Variants in DNAJC11 observed in about 807,000 individuals in gnomAD.
The protein encoded by DNAJC11 is dnaJ homolog subfamily C member 11.
DNAJC11 carries 15 observed loss-of-function variants against 78.6 expected under a neutral mutation model. The ratio of observed to expected loss-of-function variants is 0.19; its 90% confidence interval spans 0.13 to 0.29. The LOEUF (loss-of-function observed/expected upper bound fraction) is 0.29, where lower values mean the gene tolerates loss of function less well. Ranked by LOEUF, DNAJC11 falls within the 10% of genes least tolerant of loss-of-function variation. The probability of loss-of-function intolerance (pLI) is 1.00; values close to 1 mark genes in which losing one functional copy is unlikely to be tolerated. For missense variants in DNAJC11, 547 were observed against 709.6 expected (o/e 0.77, Z 2.60); for synonymous variants, 292 against 272.1 (o/e 1.07, Z -0.72).
chr1:6,651,249 C>T, intron 7 of DNAJC11: 1 of 635,106 alleles, frequency 1.6e-6, no homozygotes, highest in African/African-American at 1.8e-5. Context: ...CCTGAAGGCA[C>T]TCTTTCTCCG....
Position 6,634,860 on chromosome 1 carries a change from G to A in DNAJC11, c.*815C>T. 8.2e-7 allele frequency: 1 copy of A among 1,223,932 alleles called. No individual in the cohort carries two copies. Among genetic ancestry groups the A allele is most frequent in the Non-Finnish European group, 1.1e-6 (1 of 949,494 alleles). 75.8% of individuals were successfully genotyped at this position (1,223,932 alleles called of 1,614,324 possible). ...TGTCTGATGTCTTGCCAAGCGCCTGGTCCTGTCCTCTTGAGCTGCCCTTGC... is the reference window on the plus strand; with the variant it reads ...TGTCTGATGTCTTGCCAAGCGCCTGATCCTGTCCTCTTGAGCTGCCCTTGC... On this transcript the variant is annotated 3_prime_UTR_variant, in exon 16 of 16. Coordinates refer to ENST00000377577, the MANE Select transcript of DNAJC11 (RefSeq NM_018198.4).
At chr1:6,650,222 C>G (rs937672910) in intron 7 of DNAJC11, among the ~76,000 whole-genome samples, 4 of 151,882 alleles carry the variant, frequency 2.6e-5, no homozygotes, top group East Asian at 3.9e-4. Flanking sequence ...AAGATTGCAT[C>G]ACTATTCTCC....
intron 4 of DNAJC11, among the ~76,000 whole-genome samples, chr1:6,661,944 G>A (rs1365877213): frequency 2.0e-5 from 3 of 151,978 alleles, no homozygotes; most frequent in Admixed American, 6.6e-5. Flanking sequence ...TCCTTGATAC[G>A]TTATTCAGAT....
Position 6,645,243 on chromosome 1 carries a change from G to T in DNAJC11, c.895-117C>A. ...GCTGCACACAGGCCTTTAAGGCAGG[G>T]GTCACGGTCTGGCAGCCGCAGTGAG... On this transcript the variant is annotated intron_variant, in intron 8 of 15. Coordinates refer to ENST00000377577, the MANE Select transcript of DNAJC11 (RefSeq NM_018198.4). This position sits in a 1 kb window ranked among gnomAD's most constrained non-coding sequence, Gnocchi z 4.1. 1.3e-6 allele frequency: 1 copy of T among 772,154 alleles called. No individual in the cohort carries two copies. The highest frequency in any genetic ancestry group is 2.2e-6 in the Non-Finnish European group (1 of 449,928). 47.8% of individuals were successfully genotyped at this position (772,154 alleles called of 1,614,324 possible). A position where few individuals can be genotyped will look rare whatever the true frequency, so the allele number is the denominator to read the frequency against.
At chr1:6,694,847 G>A (rs1642807967) in intron 1 of DNAJC11, among the ~76,000 whole-genome samples, 1 of 151,492 alleles carries the variant, frequency 6.6e-6, no homozygotes, top group African/African-American at 2.4e-5. Flanking sequence ...TGGTGGTGGG[G>A]GCCTGTAGCC....
At chr1:6,662,931 C>T (rs1441383461) in intron 4 of DNAJC11, among the ~76,000 whole-genome samples, 1 of 152,172 alleles carries the variant, frequency 6.6e-6, no homozygotes, top group Non-Finnish European at 1.5e-5. Flanking sequence ...GTCCGCACCA[C>T]CTTTAAGGTA....
At chr1:6,643,465 C>G (rs184385865) in intron 10 of DNAJC11, among the ~76,000 whole-genome samples, 7 of 151,622 alleles carry the variant, frequency 4.6e-5, no homozygotes, top group Non-Finnish European at 1.0e-4. Flanking sequence ...TTAGTAGAGA[C>G]GGGGTTTCAC....
At chr1:6,689,081 T>C (rs1309271354) in intron 1 of DNAJC11, among the ~76,000 whole-genome samples, 2 of 152,172 alleles carry the variant, frequency 1.3e-5, no homozygotes, top group African/African-American at 4.8e-5. Flanking sequence ...AGTTTGACCC[T>C]GACCCAAGAA....
intron 7 of DNAJC11, among the ~76,000 whole-genome samples, chr1:6,649,978 TAAG>T (rs1046381894): frequency 3.9e-5 from 6 of 151,996 alleles, no homozygotes; most frequent in Admixed American, 3.3e-4. Flanking sequence ...ACATGTTTGA[TAAG>T]AAAGTTATTC....
intron 4 of DNAJC11, among the ~76,000 whole-genome samples, chr1:6,660,393 T>C (rs1172939160): frequency 3.3e-5 from 5 of 152,062 alleles, no homozygotes; most frequent in Non-Finnish European, 5.9e-5. Context: ...CTGACCTAGA[T>C]GATCTGCCTG....
At chr1:6,677,453 C>T (rs1036633456) in intron 3 of DNAJC11, among the ~76,000 whole-genome samples, 1 of 151,974 alleles carries the variant, frequency 6.6e-6, no homozygotes, top group African/African-American at 2.4e-5. Context: ...CCACCAAGCC[C>T]GACTAATTTT....
At chr1:6,662,110 C>A (rs906840115) in intron 4 of DNAJC11, among the ~76,000 whole-genome samples, 1 of 141,156 alleles carries the variant, frequency 7.1e-6, no homozygotes, top group Non-Finnish European at 1.6e-5. Context: ...CGCCACCATG[C>A]CCAGTTAATT....
intron 1 of DNAJC11, among the ~76,000 whole-genome samples, chr1:6,683,868 T>C (rs1161782238): frequency 6.6e-6 from 1 of 152,208 alleles, no homozygotes; most frequent in Non-Finnish European, 1.5e-5. Context: ...TATTTCCATC[T>C]CTGCATTTTC....
At chr1:6,662,340 C>T (rs1642229467) in intron 4 of DNAJC11, among the ~76,000 whole-genome samples, 1 of 151,988 alleles carries the variant, frequency 6.6e-6, no homozygotes, top group Admixed American at 6.6e-5. Context: ...ATTACAGGCG[C>T]CTGCCACCAC....
At chr1:6,657,055 A>T (rs1343997588) in intron 4 of DNAJC11, among the ~76,000 whole-genome samples, 1 of 152,198 alleles carries the variant, frequency 6.6e-6, no homozygotes, top group Admixed American at 6.5e-5. Context: ...AGGCCTCCTA[A>T]GGAACCATGC....
chr1:6,659,052 T>C (rs931608026), intron 4 of DNAJC11, among the ~76,000 whole-genome samples: 1 of 152,260 alleles, frequency 6.6e-6, no homozygotes, highest in South Asian at 2.1e-4. Flanking sequence ...ATTGTGTTCA[T>C]GACTAGACAG....
At chr1:6,695,062 C>T (rs546445138) in intron 1 of DNAJC11, among the ~76,000 whole-genome samples, 8 of 149,240 alleles carry the variant, frequency 5.4e-5, no homozygotes, top group South Asian at 2.1e-4. Context: ...AGGAGAATGG[C>T]GTGAACCCAG....
In DNAJC11 at chr1:6,689,015, G is replaced by A. The variant is rs191746518; in HGVS notation, c.73-7978C>T. On this transcript the variant is annotated intron_variant, in intron 1 of 15. Coordinates refer to ENST00000377577, the MANE Select transcript of DNAJC11 (RefSeq NM_018198.4). ...GAGGGCAGAACATCACCACAAAGTA[G>A]CCAGAAAATACACAAAACATCTAAT... 2.6e-4 allele frequency among the ~76,000 whole-genome samples: 40 copies of A among 152,266 alleles called. 1 individual carries two copies. The highest frequency in any genetic ancestry group is 9.6e-4 in the African/African-American group (40 of 41,548).
intron 4 of DNAJC11, among the ~76,000 whole-genome samples, chr1:6,657,770 G>C (rs1032020643): frequency 6.6e-6 from 1 of 152,104 alleles, no homozygotes; most frequent in Non-Finnish European, 1.5e-5. Flanking sequence ...TCAGCCTCCC[G>C]AGTAGCTGGG....
Sources: allele counts gnomAD v4.1 joint callset (sites outside exome capture counted in the v4.1 genomes callset), GRCh38; gene constraint gnomAD v4.1.1; non-coding constraint Gnocchi (gnomAD v3.1); transcripts MANE v1.5; gene names NCBI Gene and HGNC (gene_info 2026-07-23, HGNC 2026-07-21).